The following LCT variants were observed in gnomAD, a reference collection of about 807,000 sequenced individuals.
LCT encodes the protein lactase/phlorizin hydrolase.
LCT carries 90 observed loss-of-function variants against 173.0 expected under a neutral mutation model. The ratio of observed to expected loss-of-function variants is 0.52; its 90% CI spans 0.44 to 0.62. The LOEUF is 0.62. Among genes scored for constraint, LCT ranks in the 20% least tolerant of loss-of-function variants. LCT has a pLI of 0.00. For synonymous variants in LCT, 853 were observed against 957.6 expected, an observed-to-expected ratio of 0.89 and a Z score of 2.02; for missense variants, 1,864 against 2,431.4, an observed-to-expected ratio of 0.77 and a Z score of 4.91.
intron 8 of LCT, 123 bp downstream of exon 8, chr2:135,808,320 T>G (rs1195288756): frequency 1.2e-5 from 10 of 856,292 alleles, no homozygotes; most frequent in Middle Eastern, 2.5e-4. Flanking sequence ...TAAAGAATTA[T>G]GGAGTTGGGA....
Position 135,809,231 on chromosome 2 carries a change from A to T in LCT, c.3116T>A (p.Ile1039Asn). 2 of 1,614,212 alleles carry T rather than the reference A, an allele frequency of 1.2e-6. No individual in the cohort carries two copies. The highest frequency in any genetic ancestry group is 2.7e-5 in the African/African-American group (2 of 75,056). ...GTCTGCGTAGCTGTCAAACAAGTCAATCAAGGCAGGATTCTCCCAGCCTCC... is the reference window on the plus strand; with the variant it reads ...GTCTGCGTAGCTGTCAAACAAGTCATTCAAGGCAGGATTCTCCCAGCCTCC... ...DIGGWENPAL[I>N]DLFDSYADFC... The change falls in exon 8 of 17, where the codon ATT becomes AAT. Residue 1039 changes from isoleucine to asparagine, a missense_variant. This residue lies in a region of LCT where 755 missense variants were observed against 926.3 expected (regional missense o/e 0.82). Transcript: ENST00000264162. The surrounding 1 kb of genome is among the most constrained non-coding windows in gnomAD (Gnocchi z 5.5).
At chr2:135,832,482 C>CT (rs2077948542) in intron 2 of LCT, among the ~76,000 whole-genome samples, 1 of 151,094 alleles carries the variant, frequency 6.6e-6, no homozygotes, top group Non-Finnish European at 1.5e-5. Flanking sequence ...GATATACGTA[C>CT]ATTTTTAATT....
At chr2:135,819,554 C>G (rs1346828625) in intron 5 of LCT, among the ~76,000 whole-genome samples, 1 of 152,194 alleles carries the variant, frequency 6.6e-6, no homozygotes, top group Non-Finnish European at 1.5e-5. Context: ...GAACACTGCA[C>G]AGGGATCTTC....
chr2:135,804,269 C>G, intron 10 of LCT, 141 bp from the exon 11 acceptor site: 6 of 748,312 alleles, frequency 8.0e-6, no homozygotes, highest in Admixed American at 2.1e-5. Context: ...TTTTCTTTTT[C>G]TTTTGGGAAA....
chr2:135,810,621 T>C (rs2077727079), intron 7 of LCT, among the ~76,000 whole-genome samples: 1 of 152,218 alleles, frequency 6.6e-6, no homozygotes, highest in Admixed American at 6.5e-5. Context: ...ATGCTTTTGC[T>C]TTTCCTTGTT....
In LCT at chr2:135,822,114, T is replaced by C; in HGVS notation, c.908-16A>G. ...TTATTTATGGCTGTAAGAGAAGAAA[T>C]TGAATTAACTCTATGTAAATGCCAA... On this transcript the variant is annotated splice_polypyrimidine_tract_variant and intron_variant, in intron 4 of 16. Transcript: ENST00000264162. The C allele has an allele frequency of 1.4e-6, 2 of 1,443,512 alleles. No homozygotes were observed. The highest frequency in any genetic ancestry group is 9.8e-7 in the Non-Finnish European group (1 of 1,024,396). 89.4% of individuals were successfully genotyped at this position (1,443,512 alleles called of 1,614,324 possible).
rs763059511 is a variant in LCT at position 135,808,923 on chromosome 2, C to T, written c.3424G>A (p.Ala1142Thr). The T allele has an allele frequency of 6.2e-6, 10 of 1,614,108 alleles. No individual in the cohort carries two copies. ...GAGAACTGCAGCATTCGGTCAGCGG[C>T]TTCCACATCTCTGGGGACCCCTGGT... ...KSPGVPRDVE[A>T]ADRMLQFSLG... is the part of the protein sequence containing the mutation. The change falls in exon 8 of 17, where the codon GCC (alanine) becomes ACC (threonine). Residue 1142 changes from alanine to threonine, a missense_variant. By Grantham distance (58) the Ala-to-Thr change is moderately conservative. Transcript: ENST00000264162.
At chr2:135,835,179 A>C (rs1049335828) in intron 1 of LCT, among the ~76,000 whole-genome samples, 1 of 152,156 alleles carries the variant, frequency 6.6e-6, no homozygotes, top group Non-Finnish European at 1.5e-5. Flanking sequence ...AAAATACCTT[A>C]AACTTTATGC....
Position 135,804,929 on chromosome 2 carries a change from C to T in LCT, c.4302G>A (p.Glu1434=), listed in dbSNP as rs1170452923. The change falls in exon 10 of 17, where the codon GAG becomes GAA. Residue 1434 remains glutamate, a synonymous_variant. Transcript: ENST00000264162. The stretch of plus-strand genomic sequence containing the variant: ...CCAGGTTCTGCAGGGTGACCAGATC[C>T]TCAGCAATCTTGTGATAACTGTCAC... The part of the protein sequence containing the change: ...VACDSYHKIA[E]DLVTLQNLGV... The T allele has an allele frequency of 6.2e-7, 1 of 1,614,192 alleles. No individual in the cohort carries two copies. The highest frequency in any genetic ancestry group is 1.7e-5 in the Admixed American group (1 of 60,014).
intron 5 of LCT, among the ~76,000 whole-genome samples, chr2:135,818,986 T>C (rs1026138188): frequency 3.3e-5 from 5 of 152,190 alleles, no homozygotes; most frequent in Admixed American, 2.6e-4. Context: ...TCTGACATAA[T>C]GGCAGGAGCT....
At chr2:135,792,979 C>G (rs2077544319) in intron 14 of LCT, among the ~76,000 whole-genome samples, 2 of 152,190 alleles carry the variant, frequency 1.3e-5, no homozygotes, top group Admixed American at 6.5e-5. Context: ...CACCTCCTCT[C>G]TTGAAAGTGC....
At chr2:135,835,812 A>G (rs1679328452) in intron 1 of LCT, among the ~76,000 whole-genome samples, 2 of 149,984 alleles carry the variant, frequency 1.3e-5, no homozygotes, top group Non-Finnish European at 3.0e-5. Context: ...GTAAGCTCCA[A>G]CTAAGACATG....
Position 135,804,783 on chromosome 2 carries a change from G to A in LCT, c.4448C>T (p.Ala1483Val). 1.2e-6 allele frequency: 2 copies of A among 1,612,760 alleles called. No individual in the cohort carries two copies. Among genetic ancestry groups the A allele is most frequent in the South Asian group, 2.2e-5 (2 of 91,006 alleles). The change falls in exon 10 of 17, where the codon GCC (alanine) becomes GTC (valine). Residue 1483 changes from alanine to valine, a missense_variant. Ala to Val is a moderately conservative substitution (Grantham distance 64). Transcript: ENST00000264162. The stretch of plus-strand genomic sequence containing the variant: ...CCACCATACCTGGGGCTGGATGCTG[G>A]CGGCCAGCAGTGTATCGATGAGCCT... ...YVRLIDTLLA[A>V]SIQPQVTIYH...
At chr2:135,827,685 G>A (rs551003551) in intron 3 of LCT, among the ~76,000 whole-genome samples, 2 of 152,304 alleles carry the variant, frequency 1.3e-5, no homozygotes, top group Admixed American at 6.5e-5. Context: ...TTCACAATAG[G>A]GTTTGTGCTC....
Position 135,829,583 on chromosome 2 carries a change from C to T in LCT, c.804+10G>A. On this transcript the variant is annotated intron_variant, in intron 3 of 16. Transcript: ENST00000264162. ...CATTCATCATTAATGTGGAAAAGGG[C>T]TCAAATTACCTGCAATTTACTCAGC... 6.2e-7 allele frequency: 1 copy of T among 1,604,142 alleles called. No homozygotes were observed.
intron 5 of LCT, chr2:135,820,639 G>A (rs765444640): frequency 1.3e-5 from 2 of 152,208 alleles, no homozygotes; most frequent in African/African-American, 2.4e-5. Context: ...AAATATCAGA[G>A]GTGAGTGACA....
rs2077711883 is a variant in LCT, at chr2:135,809,329, G to T, written c.3018C>A (p.Gly1006=). ...GVDYYNRLIN[G]LVASNIFPMV... ...TGGGAAAGATGTTGCTTGCCACCAA[G>T]CCATTGATCAGCCTGTTGTAATAAT... Residue 1006 remains glycine, a synonymous_variant, in exon 8 of 17, where the codon GGC becomes GGA. Transcript: ENST00000264162. The surrounding 1 kb of genome is among the most constrained non-coding windows in gnomAD (Gnocchi z 5.5). 3 of 1,614,198 alleles carry T rather than the reference G, an allele frequency of 1.9e-6. No homozygotes were observed. Among genetic ancestry groups the T allele is most frequent in the Non-Finnish European group, 2.5e-6 (3 of 1,180,024 alleles).
Position 135,808,752 on chromosome 2 carries a change from C to A in LCT, c.3595G>T (p.Ala1199Ser). 1 of 1,614,146 alleles carries A rather than the reference C, an allele frequency of 6.2e-7. No individual in the cohort carries two copies. The highest frequency in any genetic ancestry group is 1.1e-5 in the South Asian group (1 of 91,070). The part of the protein sequence containing the change: ...FTEEEKRFIR[A>S]TADVFCLNTY... The stretch of plus-strand genomic sequence containing the variant: ...TTGAGGCAGAAGACGTCGGCCGTCG[C>A]CCTGATGAACCTCTTCTCTTCCTCA... Residue 1199 changes from alanine (A) to serine (S), a missense_variant, in exon 8 of 17, where the codon GCG becomes TCG. Around this residue, in one of 4 missense-constraint regions of LCT, gnomAD observed 755 missense variants for 926.3 expected, o/e 0.82. Transcript: ENST00000264162.
At chr2:135,805,157 T>C in intron 9 of LCT, 100 bp from the exon 10 acceptor site, 1 of 1,165,726 alleles carries the variant, frequency 8.6e-7, no homozygotes, top group Admixed American at 1.8e-5. Flanking sequence ...GTTTACTCTT[T>C]TGTGATAACG....
Sources: gnomAD v4.1 joint callset for allele counts (sites outside exome capture counted in the v4.1 genomes callset) on GRCh38, gnomAD v4.1.1 for gene constraint, gnomAD v4.1.1 regional missense constraint, Gnocchi (gnomAD v3.1) non-coding constraint, MANE v1.5 for transcripts, NCBI Gene and HGNC (gene_info 2026-07-23, HGNC 2026-07-21) for gene names.